C2orf76: variants seen among roughly 807,000 people sequenced by gnomAD.
C2orf76 encodes UPF0538 protein C2orf76.
Under a neutral mutation model 16.9 loss-of-function variants are expected in C2orf76, and 23 were observed. The ratio of observed to expected loss-of-function variants is 1.36; its 90% CI spans 0.98 to 1.93. C2orf76 has a LOEUF of 1.93. Among genes scored for constraint, C2orf76 ranks in the 30% most tolerant of loss-of-function variants. The pLI is 0.00. For missense variants in C2orf76, 152 were observed against 152.6 expected, an observed-to-expected ratio of 1.00 and a Z score of 0.02; for synonymous variants, 48 against 52.3, an observed-to-expected ratio of 0.92 and a Z score of 0.35.
chr2:119,364,037 G>GAC (rs1467426705), intron 1 of C2orf76, among the ~76,000 whole-genome samples: 47 of 150,382 alleles, frequency 3.1e-4, no homozygotes, highest in Middle Eastern at 3.4e-3. Context: ...GAGAGAGAGA[G>GAC]AGAGACAGAC....
upstream of C2orf76, chr2:119,367,119 C>A: frequency 6.2e-7 from 1 of 1,607,452 alleles, no homozygotes; most frequent in Non-Finnish European, 8.5e-7. Flanking sequence ...CCGTTGGGGG[C>A]TCAGCCGGCT....
At chr2:119,360,477 CAAAAAA>C (rs770401400) in intron 1 of C2orf76, among the ~76,000 whole-genome samples, 42 of 66,898 alleles carry the variant, frequency 6.3e-4, no homozygotes, top group Non-Finnish European at 1.0e-3. Flanking sequence ...AACTCTGTCT[CAAAAAA>C]AAAAAAAAAA....
chr2:119,338,543 A>G (rs1679923684), intron 2 of C2orf76, among the ~76,000 whole-genome samples: 1 of 152,142 alleles, frequency 6.6e-6, no homozygotes, highest in South Asian at 2.1e-4. Context: ...ATGAGAGAGA[A>G]AGGGGAAGAG....
the C2orf76 span, among the ~76,000 whole-genome samples, chr2:119,290,727 G>C: frequency 6.6e-6 from 1 of 152,118 alleles, no homozygotes; most frequent in African/African-American, 2.4e-5. Flanking sequence ...CTACTCAGGA[G>C]GCTGAGACAG....
chr2:119,313,637 T>C (rs993139283), intron 4 of C2orf76, among the ~76,000 whole-genome samples: 4 of 152,118 alleles, frequency 2.6e-5, no homozygotes, highest in Non-Finnish European at 5.9e-5. Flanking sequence ...CTACTCATTA[T>C]ACAAAGTTCT....
chr2:119,361,167 CCTCA>C (rs1680732551), intron 1 of C2orf76, among the ~76,000 whole-genome samples: 1 of 152,192 alleles, frequency 6.6e-6, no homozygotes, highest in South Asian at 2.1e-4. Context: ...CTACAGTAGT[CCTCA>C]CTTACAGTTC....
chr2:119,331,860 T>A (rs540470376), intron 2 of C2orf76, among the ~76,000 whole-genome samples: 1 of 152,318 alleles, frequency 6.6e-6, no homozygotes, highest in Non-Finnish European at 1.5e-5. Context: ...GAAAATTATT[T>A]CCCACTTTGC....
chr2:119,310,201 T>C (rs997537175), intron 5 of C2orf76, among the ~76,000 whole-genome samples: 1 of 152,212 alleles, frequency 6.6e-6, no homozygotes, highest in African/African-American at 2.4e-5. Context: ...TAATATTCAT[T>C]ATGCTTTATG....
chr2:119,344,720 A>G (rs1680143981), intron 1 of C2orf76, among the ~76,000 whole-genome samples: 1 of 152,190 alleles, frequency 6.6e-6, no homozygotes. Flanking sequence ...GTTACATAGG[A>G]AAAAGCTTGT....
downstream of C2orf76, among the ~76,000 whole-genome samples, chr2:119,299,272 G>A (rs1325069033): frequency 6.6e-6 from 1 of 152,082 alleles, no homozygotes; most frequent in East Asian, 1.9e-4. Context: ...CATTAAGTAG[G>A]TTTTCTATGA....
At chr2:119,351,602 A>G (rs992810546) in intron 1 of C2orf76, among the ~76,000 whole-genome samples, 3 of 152,024 alleles carry the variant, frequency 2.0e-5, no homozygotes, top group African/African-American at 4.8e-5. Flanking sequence ...AAAAATACCA[A>G]AATTAGCTGG....
rs1678990735 is a variant in C2orf76, at chr2:119,311,614, T to A, written c.304+8A>T. The A allele has an allele frequency of 1.2e-6, 2 of 1,612,762 alleles. No individual in the cohort carries two copies. On this transcript the variant is annotated splice_region_variant and intron_variant, in intron 5 of 5. Coordinates refer to ENST00000334816, the MANE Select transcript of C2orf76 (RefSeq NM_001322331.2). Reference sequence around the variant, plus strand: ...CCCCCTCCAGCAACACAAGGCCCCCTTCCTCACCGATTCCAGCTGCTTTCA... The same window carrying A: ...CCCCCTCCAGCAACACAAGGCCCCCATCCTCACCGATTCCAGCTGCTTTCA...
chr2:119,311,963 A>C (rs1679006560), intron 4 of C2orf76, among the ~76,000 whole-genome samples: 1 of 152,126 alleles, frequency 6.6e-6, no homozygotes, highest in African/African-American at 2.4e-5. Context: ...ACCAGCACCC[A>C]GCTGTGTGTT....
chr2:119,290,331 G>T, the C2orf76 span, among the ~76,000 whole-genome samples: 5 of 151,974 alleles, frequency 3.3e-5, no homozygotes, highest in Non-Finnish European at 5.9e-5. Flanking sequence ...ACCGGCTCAC[G>T]ACCTTTCAAC....
chr2:119,364,112 G>GGAGAGGA (rs748449932), intron 1 of C2orf76, among the ~76,000 whole-genome samples: 11 of 152,036 alleles, frequency 7.2e-5, no homozygotes, highest in East Asian at 3.9e-4. Flanking sequence ...AGAGAGAGAG[G>GGAGAGGA]GAGAGGAGAG....
chr2:119,366,855 G>C (rs1221241995), upstream of C2orf76: 1 of 687,572 alleles, frequency 1.5e-6, no homozygotes, highest in African/African-American at 1.9e-5. Flanking sequence ...GGGCTCGGGC[G>C]GGGCTAGCGC....
upstream of C2orf76, chr2:119,367,033 T>C (rs748173773): frequency 1.9e-6 from 3 of 1,613,752 alleles, no homozygotes; most frequent in Non-Finnish European, 2.5e-6. Context: ...CTCCCTGGAG[T>C]TCTTGCAAGT....
chr2:119,323,193 T>A (rs1441031476), intron 2 of C2orf76, among the ~76,000 whole-genome samples: 1 of 151,040 alleles, frequency 6.6e-6, no homozygotes, highest in African/African-American at 2.4e-5. Context: ...CCCGGCATTT[T>A]TTTTTTTTTT....
chr2:119,360,226 AT>A (rs1680700676), intron 1 of C2orf76, among the ~76,000 whole-genome samples: 1 of 152,154 alleles, frequency 6.6e-6, no homozygotes, highest in South Asian at 2.1e-4. Context: ...CATGCCTGTA[AT>A]CCCAACACTT....
Sources: allele counts gnomAD v4.1 joint callset (sites outside exome capture counted in the v4.1 genomes callset), GRCh38; gene constraint gnomAD v4.1.1; transcripts MANE v1.5; gene names NCBI Gene and HGNC (gene_info 2026-07-23, HGNC 2026-07-21).